Variants in SCHIP1 observed in about 807,000 individuals in gnomAD.
The protein encoded by SCHIP1 is schwannomin interacting protein 1.
SCHIP1 carries 8 observed loss-of-function variants against 29.7 expected under a neutral mutation model. The observed-to-expected ratio is 0.27, with a 90% confidence interval of 0.16 to 0.49. The LOEUF is 0.49. Ranked by LOEUF, SCHIP1 falls within the 20% of genes least tolerant of loss-of-function variation. The pLI, the probability that SCHIP1 is intolerant of heterozygous loss-of-function variation, is 0.99. For missense variants in SCHIP1, 193 were observed against 294.6 expected, an observed-to-expected ratio of 0.66 and a Z score of 2.52; for synonymous variants, 76 against 94.9, an observed-to-expected ratio of 0.80 and a Z score of 1.16.
the SCHIP1 span, among the ~76,000 whole-genome samples, chr3:159,451,102 C>T: frequency 2.6e-5 from 4 of 152,072 alleles, no homozygotes; most frequent in East Asian, 3.9e-4. Flanking sequence ...CCACTGCGCC[C>T]GGCCCACATT....
the SCHIP1 span, among the ~76,000 whole-genome samples, chr3:159,495,215 T>C: frequency 0.016 from 2,501 of 152,124 alleles, 73 homozygotes; most frequent in African/African-American, 0.057. Flanking sequence ...GATGCCCTCT[T>C]TCACCACTCC....
At chr3:159,856,462 T>C (rs1195803318) in intron 1 of SCHIP1, among the ~76,000 whole-genome samples, 1 of 152,044 alleles carries the variant, frequency 6.6e-6, no homozygotes, top group East Asian at 1.9e-4. Flanking sequence ...TGTACATTCT[T>C]GGGGCAGGGA....
the SCHIP1 span, among the ~76,000 whole-genome samples, chr3:159,417,712 C>G: frequency 2.6e-5 from 4 of 152,210 alleles, no homozygotes; most frequent in Non-Finnish European, 5.9e-5. Flanking sequence ...GGGTAGTTGA[C>G]CTGCTCCATC....
the SCHIP1 span, among the ~76,000 whole-genome samples, chr3:159,642,269 T>C: frequency 6.6e-6 from 1 of 152,114 alleles, no homozygotes; most frequent in Non-Finnish European, 1.5e-5. Context: ...AATACTGATA[T>C]CGAGATTTTT....
chr3:159,499,211 C>G, the SCHIP1 span, among the ~76,000 whole-genome samples: 2 of 152,198 alleles, frequency 1.3e-5, no homozygotes, highest in Non-Finnish European at 2.9e-5. Flanking sequence ...TAAATAGTTT[C>G]TCTTCAAAGC....
At chr3:159,470,862 C>T in the SCHIP1 span, among the ~76,000 whole-genome samples, 1 of 151,890 alleles carries the variant, frequency 6.6e-6, no homozygotes, top group African/African-American at 2.4e-5. Context: ...TTCATATCTT[C>T]AATACTAAGA....
chr3:159,592,009 A>AAGAAAGAG, the SCHIP1 span, among the ~76,000 whole-genome samples: 2 of 151,740 alleles, frequency 1.3e-5, no homozygotes, highest in African/African-American at 4.9e-5. Context: ...AAAAGAAAGA[A>AAGAAAGAG]AGAAAGAAAT....
At chr3:159,373,786 T>C in the SCHIP1 span, among the ~76,000 whole-genome samples, 1 of 152,154 alleles carries the variant, frequency 6.6e-6, no homozygotes, top group Non-Finnish European at 1.5e-5. Flanking sequence ...TATATATGTA[T>C]ATACACACAC....
chr3:159,528,710 T>C, the SCHIP1 span, among the ~76,000 whole-genome samples: 3 of 152,104 alleles, frequency 2.0e-5, no homozygotes, highest in Non-Finnish European at 2.9e-5. Flanking sequence ...AGCACAAGGG[T>C]TTGGGCAGCT....
chr3:159,494,338 A>C, the SCHIP1 span, among the ~76,000 whole-genome samples: 1 of 152,202 alleles, frequency 6.6e-6, no homozygotes, highest in African/African-American at 2.4e-5. Context: ...AAAGATCAAC[A>C]AAATTGATAG....
At chr3:159,496,932 A>G in the SCHIP1 span, among the ~76,000 whole-genome samples, 1 of 152,212 alleles carries the variant, frequency 6.6e-6, no homozygotes, top group Non-Finnish European at 1.5e-5. Context: ...GCCATAAAAA[A>G]TGATAAGTTC....
chr3:159,872,305 G>A (rs1337306699), intron 2 of SCHIP1, among the ~76,000 whole-genome samples: 1 of 152,098 alleles, frequency 6.6e-6, no homozygotes, highest in African/African-American at 2.4e-5. Flanking sequence ...AACCCAGCTT[G>A]GCAGTCCTCC....
At position 159,878,391 on chromosome 3, in the gene SCHIP1, A is replaced by C. The variant is rs186765521; in HGVS notation, c.150-7816A>C. Among the ~76,000 whole-genome samples the C allele has an allele frequency of 2.2e-3, 332 of 152,166 alleles. 4 individuals carry two copies. The highest frequency in any genetic ancestry group is 9.0e-4 in the Non-Finnish European group (61 of 68,020). The stretch of plus-strand genomic sequence containing the variant: ...AAGCTACTCGGGAGGCTGAGGCAGG[A>C]GTATCGCTTGAACCCAGGAGGCGGA... On this transcript the variant is annotated intron_variant, in intron 2 of 6. Coordinates refer to ENST00000445224, the Ensembl canonical transcript of SCHIP1.
chr3:159,579,540 A>T, the SCHIP1 span, among the ~76,000 whole-genome samples: 1 of 152,216 alleles, frequency 6.6e-6, no homozygotes, highest in Non-Finnish European at 1.5e-5. Context: ...GCGAAATAAG[A>T]CATGAACACC....
the SCHIP1 span, among the ~76,000 whole-genome samples, chr3:159,744,572 T>G: frequency 5.9e-5 from 9 of 152,212 alleles, no homozygotes; most frequent in Admixed American, 5.2e-4. Flanking sequence ...TTAGCACATT[T>G]TCCTGTCCAA....
chr3:159,395,536 T>C, the SCHIP1 span, among the ~76,000 whole-genome samples: 2 of 151,860 alleles, frequency 1.3e-5, no homozygotes, highest in East Asian at 3.9e-4. Flanking sequence ...TTCTCGTTGG[T>C]TTCAAAGAAC....
At chr3:159,630,750 C>T in the SCHIP1 span, among the ~76,000 whole-genome samples, 4 of 152,092 alleles carry the variant, frequency 2.6e-5, no homozygotes, top group Non-Finnish European at 4.4e-5. Context: ...GGATAAAAGA[C>T]TACAAATTAG....
At chr3:159,344,589 C>T in the SCHIP1 span, among the ~76,000 whole-genome samples, 1 of 152,158 alleles carries the variant, frequency 6.6e-6, no homozygotes, top group African/African-American at 2.4e-5. Flanking sequence ...AGTTGAGAGA[C>T]ATTTGACAAA....
the SCHIP1 span, among the ~76,000 whole-genome samples, chr3:159,604,453 A>C: frequency 2.0e-5 from 3 of 152,196 alleles, no homozygotes; most frequent in African/African-American, 4.8e-5. Context: ...ACGGGTGACC[A>C]CAGTGAGATC....
Sources: gnomAD v4.1 joint callset for allele counts (sites outside exome capture counted in the v4.1 genomes callset) on GRCh38, gnomAD v4.1.1 for gene constraint, MANE v1.5 for transcripts, NCBI Gene and HGNC (gene_info 2026-07-23, HGNC 2026-07-21) for gene names.